Variants in SLC16A7 observed in about 807,000 individuals in gnomAD.
SLC16A7 encodes solute carrier family 16 member 7, also known as monocarboxylate transporter 2.
Under a neutral mutation model 34.9 loss-of-function variants are expected in SLC16A7, and 33 were observed. The ratio of observed to expected loss-of-function variants is 0.94; its 90% confidence interval spans 0.72 to 1.26. The LOEUF (loss-of-function observed/expected upper bound fraction) is 1.26. SLC16A7 is among the 50% of genes most tolerant of loss of function. The probability of loss-of-function intolerance (pLI) is 0.00; values close to 1 mark genes in which losing one functional copy is unlikely to be tolerated. For missense variants in SLC16A7, 573 were observed against 578.1 expected (o/e 0.99, Z 0.09); for synonymous variants, 201 against 206.6 (o/e 0.97, Z 0.23).
At chr12:59,700,658 G>T (rs1441894402) in intron 2 of SLC16A7, among the ~76,000 whole-genome samples, 2 of 151,056 alleles carry the variant, frequency 1.3e-5, no homozygotes, top group Non-Finnish European at 3.0e-5. Flanking sequence ...GTACATATAT[G>T]GTAAAAGTAT....
At chr12:59,703,916 TG>T (rs1212970638) in intron 2 of SLC16A7, among the ~76,000 whole-genome samples, 1 of 151,552 alleles carries the variant, frequency 6.6e-6, no homozygotes, top group Admixed American at 6.6e-5. Context: ...TTAAAAATAG[TG>T]GGGGCTGGAT....
At chr12:59,724,198 G>A (rs867147200) in intron 3 of SLC16A7, among the ~76,000 whole-genome samples, 7 of 152,134 alleles carry the variant, frequency 4.6e-5, no homozygotes, top group African/African-American at 1.7e-4. Flanking sequence ...GGTTTTGTGT[G>A]TGTGTCTCAT....
In SLC16A7 at chr12:59,786,132, A is replaced by G. The variant is rs549607681; in HGVS notation, c.*6453A>G. Reference sequence around the variant, plus strand: ...GCGCACCAGCATGGCACATGTATACATATGTAACTAACCTGCACATTGTGC... The same window carrying G: ...GCGCACCAGCATGGCACATGTATACGTATGTAACTAACCTGCACATTGTGC... On this transcript the variant is annotated 3_prime_UTR_variant, in exon 6 of 6. Transcript: ENST00000547379. The G allele has an allele frequency of 1.0e-3, 159 of 151,894 alleles. No individual in the cohort carries two copies. The highest frequency in any genetic ancestry group is 3.6e-3 in the African/African-American group (151 of 41,426). The allele number at this position is 151,894 out of a possible 1,614,324, so 9.4% of individuals were successfully genotyped here. A position where few individuals can be genotyped will look rare whatever the true frequency, so the allele number is the denominator to read the frequency against.
At chr12:59,669,631 T>A (rs1156780061) in intron 2 of SLC16A7, among the ~76,000 whole-genome samples, 1 of 127,140 alleles carries the variant, frequency 7.9e-6, no homozygotes. Flanking sequence ...CTGAGGCTCT[T>A]TAGCAGTTAC....
At chr12:59,602,193 A>T (rs1194029202) in intron 1 of SLC16A7, among the ~76,000 whole-genome samples, 1 of 152,210 alleles carries the variant, frequency 6.6e-6, no homozygotes, top group East Asian at 1.9e-4. Flanking sequence ...ATACTCTTGT[A>T]TAAAAATATT....
chr12:59,614,952 G>A (rs1322870872), intron 1 of SLC16A7, among the ~76,000 whole-genome samples: 3 of 150,936 alleles, frequency 2.0e-5, no homozygotes, highest in Non-Finnish European at 3.0e-5. Context: ...GCAGTGAGCC[G>A]AGATCGCACC....
intron 3 of SLC16A7, among the ~76,000 whole-genome samples, chr12:59,770,070 A>G (rs1251854174): frequency 1.3e-5 from 2 of 152,142 alleles, no homozygotes; most frequent in African/African-American, 4.8e-5. Context: ...GCTGTCACTG[A>G]AGTAAAACAC....
At chr12:59,726,506 G>C (rs902072659) in intron 3 of SLC16A7, among the ~76,000 whole-genome samples, 1 of 152,052 alleles carries the variant, frequency 6.6e-6, no homozygotes, top group Non-Finnish European at 1.5e-5. Flanking sequence ...AGCTTTGTTT[G>C]TTTCATACAA....
At chr12:59,736,017 T>C (rs1592604558) in intron 3 of SLC16A7, 4 of 640,788 alleles carry the variant, frequency 6.2e-6, no homozygotes, top group Non-Finnish European at 7.1e-6. Context: ...AAACATTATT[T>C]TAATGTATGG....
chr12:59,765,094 AT>A (rs1881450180), intron 3 of SLC16A7, among the ~76,000 whole-genome samples: 1 of 152,102 alleles, frequency 6.6e-6, no homozygotes, highest in African/African-American at 2.4e-5. Context: ...GATGAAGAGC[AT>A]TTTTTCATGT....
At chr12:59,603,110 A>T (rs1023234154) in intron 1 of SLC16A7, among the ~76,000 whole-genome samples, 2 of 152,036 alleles carry the variant, frequency 1.3e-5, no homozygotes, top group African/African-American at 4.8e-5. Context: ...ATCCAAAATA[A>T]TTTTTTAATT....
intron 1 of SLC16A7, among the ~76,000 whole-genome samples, chr12:59,611,640 A>G (rs1175445203): frequency 6.6e-6 from 1 of 152,154 alleles, no homozygotes; most frequent in Non-Finnish European, 1.5e-5. Flanking sequence ...CAAAGTTTCA[A>G]CTGAGACAAG....
chr12:59,700,915 C>T (rs541654501), intron 2 of SLC16A7, among the ~76,000 whole-genome samples: 117 of 151,792 alleles, frequency 7.7e-4, no homozygotes, highest in Middle Eastern at 3.4e-3. Flanking sequence ...GGCAAGCATA[C>T]ATTATTTCAT....
At chr12:59,754,942 G>T (rs990387158) in intron 3 of SLC16A7, among the ~76,000 whole-genome samples, 4 of 152,174 alleles carry the variant, frequency 2.6e-5, no homozygotes, top group Non-Finnish European at 4.4e-5. Context: ...GGGATGCAAG[G>T]CTGGTTCAAT....
At chr12:59,628,266 AAAGT>A (rs977297541) in intron 1 of SLC16A7, among the ~76,000 whole-genome samples, 2 of 151,904 alleles carry the variant, frequency 1.3e-5, no homozygotes, top group Non-Finnish European at 2.9e-5. Flanking sequence ...TAGCTCTTTT[AAAGT>A]CTTAAATTAT....
In SLC16A7 at chr12:59,596,823, G is replaced by T. The variant is rs184345677; in HGVS notation, c.-130+587G>T. 6.6e-6 allele frequency among the ~76,000 whole-genome samples: 1 copy of T among 152,206 alleles called. No individual in the cohort carries two copies. On this transcript the variant is annotated intron_variant, in intron 1 of 5. Coordinates refer to ENST00000547379, the MANE Select transcript of SLC16A7 (RefSeq NM_001270623.2). The surrounding 1 kb of genome is among the most constrained non-coding windows in gnomAD (Gnocchi z 5.0). ...AGACGAAATACCGGGGGATGGGGGG[G>T]TTGTCTTTCTTCATTTTTGGTCCCC...
intron 1 of SLC16A7, among the ~76,000 whole-genome samples, chr12:59,601,805 A>G (rs966664754): frequency 2.6e-5 from 4 of 152,188 alleles, no homozygotes; most frequent in African/African-American, 9.7e-5. Flanking sequence ...GATGAGAGTG[A>G]GAGCTCTCTT....
chr12:59,651,480 C>T (rs1252675876), intron 1 of SLC16A7, among the ~76,000 whole-genome samples: 1 of 152,118 alleles, frequency 6.6e-6, no homozygotes. Context: ...CAGCTGTATA[C>T]TGTAGCTGTA....
chr12:59,701,606 C>T (rs1316160166), intron 2 of SLC16A7, among the ~76,000 whole-genome samples: 3 of 150,526 alleles, frequency 2.0e-5, no homozygotes, highest in South Asian at 2.1e-4. Flanking sequence ...TATTTAAATG[C>T]TGGGAAAATT....
Sources: gnomAD v4.1 joint callset for allele counts (sites outside exome capture counted in the v4.1 genomes callset) on GRCh38, gnomAD v4.1.1 for gene constraint, Gnocchi (gnomAD v3.1) non-coding constraint, MANE v1.5 for transcripts, NCBI Gene and HGNC (gene_info 2026-07-23, HGNC 2026-07-21) for gene names.